The following PUDP variants were observed in gnomAD, a reference collection of about 807,000 sequenced individuals.
PUDP encodes pseudouridine 5'-phosphatase, also known as pseudouridine-5'-phosphatase.
A neutral mutation model predicts 9.4 loss-of-function variants in PUDP; 8 were observed. The observed-to-expected ratio is 0.85, with a 90% CI of 0.50 to 1.53. The LOEUF (loss-of-function observed/expected upper bound fraction) is 1.53, where lower values mean the gene tolerates loss of function less well. PUDP is among the 40% of genes most tolerant of loss of function. The probability of loss-of-function intolerance (pLI) is 0.00; values close to 1 mark genes in which losing one functional copy is unlikely to be tolerated. For missense variants in PUDP, 188 were observed against 189.7 expected, an observed-to-expected ratio of 0.99 and a Z score of 0.05; for synonymous variants, 99 against 80.7, an observed-to-expected ratio of 1.23 and a Z score of -1.22.
chrX:6,895,031 G>A (rs1283733551), intron 3 of PUDP, among the ~76,000 whole-genome samples: 1 of 110,749 alleles, frequency 9.0e-6, no homozygotes, highest in Non-Finnish European at 1.9e-5. Flanking sequence ...AAAGCCGACT[G>A]CTATTTCTGA....
chrX:6,885,308 C>A (rs1927405726), intron 3 of PUDP, among the ~76,000 whole-genome samples: 1 of 112,058 alleles, frequency 8.9e-6, no homozygotes, highest in African/African-American at 3.2e-5. Context: ...TTACTTTTTA[C>A]AAATTGCAAC....
At chrX:6,716,081 T>G (rs1179135600) in intron 1 of PUDP, among the ~76,000 whole-genome samples, 4 of 107,287 alleles carry the variant, frequency 3.7e-5, no homozygotes, top group Non-Finnish European at 7.7e-5. Context: ...TCTTCCAAAA[T>G]GATAAATACA....
intron 3 of PUDP, among the ~76,000 whole-genome samples, chrX:6,832,141 A>G (rs1926513235): frequency 8.9e-6 from 1 of 112,086 alleles, no homozygotes; most frequent in Non-Finnish European, 1.9e-5. Flanking sequence ...GAAAAAAAGA[A>G]TACCAAAGAA....
chrX:6,740,134 C>G (rs1227147613), intron 3 of PUDP, among the ~76,000 whole-genome samples: 1 of 111,857 alleles, frequency 8.9e-6, no homozygotes, highest in Non-Finnish European at 1.9e-5. Context: ...TATATCCTGG[C>G]AACTTTCCGT....
At chrX:7,009,201 G>A (rs372481395) in intron 1 of PUDP, among the ~76,000 whole-genome samples, 2 of 112,285 alleles carry the variant, frequency 1.8e-5, no homozygotes, top group African/African-American at 6.5e-5. Context: ...AATTGTCTCC[G>A]AAGTTGCCTT....
intron 3 of PUDP, among the ~76,000 whole-genome samples, chrX:6,948,416 C>T (rs1002300822): frequency 8.9e-6 from 1 of 111,794 alleles, no homozygotes; most frequent in African/African-American, 3.3e-5. Flanking sequence ...CTCTTTTGCT[C>T]GCTTCCCATT....
At chrX:7,041,231 T>C (rs1929917946) in intron 1 of PUDP, among the ~76,000 whole-genome samples, 1 of 111,500 alleles carries the variant, frequency 9.0e-6, no homozygotes, top group African/African-American at 3.3e-5. Flanking sequence ...GGATCTGAAG[T>C]ACTTTTCAAA....
At position 6,873,151 on chromosome X, in the gene PUDP, T is replaced by C. The variant is rs762463608; in HGVS notation, c.*247+103982A>G. Among the ~76,000 whole-genome samples the C allele has an allele frequency of 3.6e-5, 4 of 111,633 alleles. No homozygotes were observed. In the South Asian group the frequency reaches 1.1e-3, roughly 32 times the overall value. Reference sequence around the variant, plus strand: ...AACTTTTTGTTTTTGTACAGATGCTTTGAATTTTAACTTAGGGGCTCTTGG... The same window carrying C: ...AACTTTTTGTTTTTGTACAGATGCTCTGAATTTTAACTTAGGGGCTCTTGG... On this transcript the variant is annotated intron_variant and NMD_transcript_variant, in intron 3 of 3. Coordinates refer to the PUDP transcript ENST00000655425.
chrX:7,054,278 C>T (rs757314732), intron 3 of PUDP, among the ~76,000 whole-genome samples: 13 of 111,170 alleles, frequency 1.2e-4, no homozygotes, highest in East Asian at 8.4e-4. Flanking sequence ...AGCATGGTGG[C>T]GCATGCCTGT....
intron 3 of PUDP, among the ~76,000 whole-genome samples, chrX:6,786,818 C>T (rs1156820041): frequency 1.8e-5 from 2 of 111,994 alleles, no homozygotes; most frequent in Non-Finnish European, 3.8e-5. Context: ...ATTCCATCAC[C>T]ACATTCTACA....
chrX:6,958,399 C>T (rs190093983), intron 3 of PUDP, among the ~76,000 whole-genome samples: 29 of 112,063 alleles, frequency 2.6e-4, no homozygotes, highest in Non-Finnish European at 4.3e-4. Flanking sequence ...ACATAAAGTA[C>T]ACTAATTTCC....
chrX:7,061,347 T>C (rs903399497), intron 3 of PUDP, among the ~76,000 whole-genome samples: 1 of 111,557 alleles, frequency 9.0e-6, no homozygotes, highest in Non-Finnish European at 1.9e-5. Flanking sequence ...TGGTGCTTGA[T>C]ACATTAAAAA....
intron 3 of PUDP, among the ~76,000 whole-genome samples, chrX:6,862,832 A>C (rs1927022532): frequency 9.0e-6 from 1 of 111,234 alleles, no homozygotes; most frequent in African/African-American, 3.3e-5. Context: ...AGGATGGTGG[A>C]TGGGGTGATG....
chrX:7,123,733 C>A (rs1932406054), intron 1 of PUDP, among the ~76,000 whole-genome samples: 1 of 111,445 alleles, frequency 9.0e-6, no homozygotes, highest in South Asian at 3.8e-4. Flanking sequence ...GCTGAAGTAG[C>A]TATAGTAATA....
intron 2 of PUDP, among the ~76,000 whole-genome samples, chrX:7,095,531 G>A (rs1395791025): frequency 8.9e-6 from 1 of 112,135 alleles, no homozygotes; most frequent in Non-Finnish European, 1.9e-5. Flanking sequence ...AATGAGACTC[G>A]AAGCCCCAAC....
intron 1 of PUDP, among the ~76,000 whole-genome samples, chrX:7,146,212 G>A (rs1366046096): frequency 1.8e-5 from 2 of 111,560 alleles, no homozygotes; most frequent in Admixed American, 1.9e-4. Context: ...CAGAGGATTG[G>A]GTAACAATGT....
At chrX:7,000,856 A>G (rs996705760) in intron 1 of PUDP, among the ~76,000 whole-genome samples, 1 of 108,187 alleles carries the variant, frequency 9.2e-6, no homozygotes, top group East Asian at 2.9e-4. Context: ...TGAAAAGGTA[A>G]AAGTTTTCCT....
chrX:6,916,191 T>TAC (rs747162229), intron 3 of PUDP, among the ~76,000 whole-genome samples: 2,704 of 69,748 alleles, frequency 0.039, 74 homozygotes, highest in East Asian at 0.11. Flanking sequence ...ATGCTTTTTC[T>TAC]ACACACACAC....
rs752714905 is a variant in PUDP at position 7,043,328 on chromosome X, C to T, written c.204+33892G>A. 6.3e-5 allele frequency among the ~76,000 whole-genome samples: 7 copies of T among 110,550 alleles called. No homozygotes were observed. In the South Asian group the frequency reaches 2.0e-3, roughly 31 times the overall value. On this transcript the variant is annotated intron_variant and NMD_transcript_variant, in intron 1 of 3. Coordinates refer to the PUDP transcript ENST00000655425. ...TGAGTGGGTTCTCTATTCAATCCTA[C>T]AAGAGCTGATTGTTAGAAAGAGCCT...
Sources: gnomAD v4.1 joint callset for allele counts (sites outside exome capture counted in the v4.1 genomes callset) on GRCh38, gnomAD v4.1.1 for gene constraint, MANE v1.5 for transcripts, NCBI Gene and HGNC (gene_info 2026-07-23, HGNC 2026-07-21) for gene names.